BPIFC: variants seen among roughly 807,000 people sequenced by gnomAD.
The protein encoded by BPIFC is BPI fold containing family C.
A neutral mutation model predicts 57.6 loss-of-function variants in BPIFC; 60 were observed. The observed-to-expected ratio is 1.04, with a 90% CI of 0.85 to 1.29. The LOEUF (loss-of-function observed/expected upper bound fraction) is 1.29, where lower values mean the gene tolerates loss of function less well. BPIFC is among the 50% of genes most tolerant of loss of function. The pLI is 0.00. For missense variants in BPIFC, 581 were observed against 600.5 expected (o/e 0.97, Z 0.34); for synonymous variants, 243 against 224.5 (o/e 1.08, Z -0.74).
chr22:32,438,191 A>G (rs1601464514), intron 8 of BPIFC, among the ~76,000 whole-genome samples: 1 of 150,456 alleles, frequency 6.6e-6, no homozygotes, highest in Admixed American at 6.8e-5. Context: ...CTGTAATAAA[A>G]GGAATGTGAA....
chr22:32,461,720 C>G (rs1935163728), intron 1 of BPIFC, 59 bp from the exon 2 acceptor site: 1 of 879,696 alleles, frequency 1.1e-6, no homozygotes, highest in Admixed American at 6.2e-5. Flanking sequence ...TTCTGGGACT[C>G]AGGTTAGTGG....
At chr22:32,457,451 C>A in intron 2 of BPIFC, 65 bp from the exon 3 acceptor site, 1 of 1,549,002 alleles carries the variant, frequency 6.5e-7, no homozygotes, top group South Asian at 1.2e-5. Flanking sequence ...CAATTAAATC[C>A]AACATTTCTA....
At chr22:32,420,573 CTCT>C (rs1334987830) in intron 13 of BPIFC, among the ~76,000 whole-genome samples, 10 of 152,182 alleles carry the variant, frequency 6.6e-5, no homozygotes, top group African/African-American at 2.4e-4. Context: ...CCATTTCTGC[CTCT>C]TCTTAACTCT....
intron 2 of BPIFC, among the ~76,000 whole-genome samples, chr22:32,458,232 C>T (rs764616161): frequency 6.6e-6 from 1 of 152,170 alleles, no homozygotes; most frequent in Non-Finnish European, 1.5e-5. Context: ...CTCTCATGAT[C>T]CCAGCATCAC....
At chr22:32,420,944 A>G (rs1933831225) in intron 13 of BPIFC, among the ~76,000 whole-genome samples, 1 of 152,240 alleles carries the variant, frequency 6.6e-6, no homozygotes, top group Admixed American at 6.5e-5. Context: ...TGTGCCTAGC[A>G]TATCCTTATC....
Position 32,417,146 on chromosome 22 carries a change from G to T in BPIFC, c.1263C>A (p.Val421=). The T allele has an allele frequency of 6.4e-7, 1 of 1,559,872 alleles. No homozygotes were observed. Among genetic ancestry groups the T allele is most frequent in the Non-Finnish European group, 8.8e-7 (1 of 1,134,322 alleles). The change falls in exon 15 of 17, where the codon GTC becomes GTA. Residue 421 remains valine (V), a splice_region_variant and synonymous_variant. Coordinates refer to ENST00000300399, the MANE Select transcript of BPIFC (RefSeq NM_174932.3). Reference sequence around the variant, plus strand: ...ACGATAGAATATTTTCAAACCTCAAGACCTAAAATAAAAGAGGAAATAGAA... The same window carrying T: ...ACGATAGAATATTTTCAAACCTCAATACCTAAAATAAAAGAGGAAATAGAA... ...LPESNRSNIE[V]LRFENILSSI... is the part of the protein sequence containing the mutation.
intron 1 of BPIFC, among the ~76,000 whole-genome samples, chr22:32,463,691 A>T (rs1935207161): frequency 6.6e-6 from 1 of 152,212 alleles, no homozygotes; most frequent in Non-Finnish European, 1.5e-5. Context: ...GGGTATTCCG[A>T]CATATTGGTT....
At chr22:32,463,340 C>G (rs184742991) in intron 1 of BPIFC, among the ~76,000 whole-genome samples, 1 of 152,190 alleles carries the variant, frequency 6.6e-6, no homozygotes, top group Non-Finnish European at 1.5e-5. Flanking sequence ...AAAAACCCCA[C>G]CAGCAAGTTA....
At chr22:32,421,563 A>G (rs1933848723) in intron 13 of BPIFC, among the ~76,000 whole-genome samples, 1 of 152,194 alleles carries the variant, frequency 6.6e-6, no homozygotes, top group Middle Eastern at 3.2e-3. Flanking sequence ...GCTACGTTAC[A>G]GGCATGTCTG....
At position 32,433,813 on chromosome 22, in the gene BPIFC, G is replaced by A. The variant is rs200476593; in HGVS notation, c.925-41C>T. ...CATTATGTCACTGTTAGGATTTTAC[G>A]TGGATTGTCTTTTCAGGGAAAATGT... On this transcript the variant is annotated intron_variant, in intron 10 of 16. Coordinates refer to ENST00000300399, the MANE Select transcript of BPIFC (RefSeq NM_174932.3). 1.6e-4 allele frequency: 248 copies of A among 1,542,956 alleles called. No homozygotes were observed. In the East Asian group the frequency reaches 5.1e-3, roughly 32 times the overall value.
intron 8 of BPIFC, among the ~76,000 whole-genome samples, chr22:32,438,863 A>G (rs1317773323): frequency 3.3e-5 from 5 of 152,144 alleles, no homozygotes; most frequent in African/African-American, 1.2e-4. Flanking sequence ...GTCATTAGAA[A>G]TATTTTTAGA....
intron 13 of BPIFC, 114 bp from the exon 14 acceptor site, chr22:32,419,518 A>T: frequency 9.2e-7 from 1 of 1,091,806 alleles, no homozygotes; most frequent in Non-Finnish European, 1.3e-6. Context: ...AAAAAAACAC[A>T]CAAGGCTGGG....
intron 13 of BPIFC, among the ~76,000 whole-genome samples, chr22:32,425,646 A>G (rs1934045984): frequency 6.6e-6 from 1 of 152,076 alleles, no homozygotes; most frequent in South Asian, 2.1e-4. Flanking sequence ...TTGGGCCTTT[A>G]CCGTCTATTA....
At chr22:32,429,029 T>C (rs572356231) in intron 13 of BPIFC, among the ~76,000 whole-genome samples, 1 of 152,280 alleles carries the variant, frequency 6.6e-6, no homozygotes, top group African/African-American at 2.4e-5. Context: ...TGTGATTCAC[T>C]TCCTTGTCCA....
chr22:32,432,595 G>A (rs749710718), intron 11 of BPIFC, 52 bp from the exon 12 acceptor site: 1 of 1,573,652 alleles, frequency 6.4e-7, no homozygotes, highest in East Asian at 2.2e-5. Flanking sequence ...AGTTGGTGAA[G>A]GGAGATCACA....
chr22:32,457,345 G>GA lies in BPIFC; in HGVS notation c.41dup (p.Leu15ProfsTer26). The GA allele has an allele frequency of 6.2e-7, 1 of 1,610,746 alleles. No individual in the cohort carries two copies. Among genetic ancestry groups the GA allele is most frequent in the Non-Finnish European group, 8.5e-7 (1 of 1,179,084 alleles). ...AGGATGAGACATAGAGATTCCACAG[G>GA]AGGAAACATCCCCAGAGGACTGGGA... On this transcript the variant is annotated frameshift_variant, in exon 3 of 17. Coordinates refer to ENST00000300399, the MANE Select transcript of BPIFC (RefSeq NM_174932.3). LOFTEE classifies it high-confidence loss of function.
intron 14 of BPIFC, 41 bp from the exon 15 acceptor site, chr22:32,417,189 C>CTTTTTTTTTT (rs5844996): frequency 1.1e-6 from 1 of 891,986 alleles, no homozygotes. Context: ...GCAGATCGGG[C>CTTTTTTTTTT]TTTTTTTTTT....
At position 32,439,047 on chromosome 22, in the gene BPIFC, TGG is replaced by T. The variant is rs545475675; in HGVS notation, c.656-1198_656-1197del. On this transcript the variant is annotated intron_variant, in intron 8 of 16. Coordinates refer to ENST00000300399, the MANE Select transcript of BPIFC (RefSeq NM_174932.3). Reference sequence around the variant, plus strand: ...AAGTTCCAGAAAGCACAGATTGGGCTGGGTGTGGTGGGTCACGCCTGTAATCC... The same window carrying T: ...AAGTTCCAGAAAGCACAGATTGGGCTGTGTGGTGGGTCACGCCTGTAATCC... Among the ~76,000 whole-genome samples the T allele has an allele frequency of 1.8e-4, 28 of 152,108 alleles. No individual in the cohort carries two copies. The South Asian group carries it at 5.6e-3, about 31-fold the overall frequency.
At chr22:32,460,186 C>T (rs1601489193) in intron 2 of BPIFC, among the ~76,000 whole-genome samples, 1 of 152,208 alleles carries the variant, frequency 6.6e-6, no homozygotes, top group South Asian at 2.1e-4. Flanking sequence ...GCTAGCCTAT[C>T]TTGGGCTTTT....
Sources: allele counts gnomAD v4.1 joint callset (sites outside exome capture counted in the v4.1 genomes callset), GRCh38; gene constraint gnomAD v4.1.1; transcripts MANE v1.5; gene names NCBI Gene and HGNC (gene_info 2026-07-23, HGNC 2026-07-21).